The following P4HA3 variants were observed in gnomAD, a reference collection of about 807,000 sequenced individuals.
P4HA3 encodes the protein prolyl 4-hydroxylase subunit alpha 3.
A neutral mutation model predicts 66.7 loss-of-function variants in P4HA3; 60 were observed. The ratio of observed to expected loss-of-function variants is 0.90; its 90% confidence interval spans 0.73 to 1.12. P4HA3 has a LOEUF of 1.12. P4HA3 is among the 50% of genes most tolerant of loss of function. The pLI, the probability that P4HA3 is intolerant of heterozygous loss-of-function variation, is 0.00. For missense variants in P4HA3, 683 were observed against 685.8 expected (o/e 1.00, Z 0.05); for synonymous variants, 263 against 274.6 (o/e 0.96, Z 0.42).
At chr11:74,304,782 T>C (rs536844191) in intron 1 of P4HA3, among the ~76,000 whole-genome samples, 2 of 152,242 alleles carry the variant, frequency 1.3e-5, no homozygotes, top group South Asian at 2.1e-4. Context: ...AAAAACACTA[T>C]TGAATTAATT....
At chr11:74,269,966 A>G (rs1021277428) in intron 10 of P4HA3, among the ~76,000 whole-genome samples, 1 of 152,176 alleles carries the variant, frequency 6.6e-6, no homozygotes, top group Non-Finnish European at 1.5e-5. Context: ...TCCAGCTAAC[A>G]TCCTTATTGA....
At chr11:74,262,683 C>A (rs1363911785), downstream of P4HA3, among the ~76,000 whole-genome samples, 1 of 152,144 alleles carries the variant, frequency 6.6e-6, no homozygotes, top group African/African-American at 2.4e-5. Flanking sequence ...TGTTTCCTCC[C>A]CCTAGCCCTT....
At chr11:74,256,136 T>C (rs1247257691) in intron 15 of P4HA3, among the ~76,000 whole-genome samples, 1 of 152,208 alleles carries the variant, frequency 6.6e-6, no homozygotes, top group Non-Finnish European at 1.5e-5. Flanking sequence ...AGGTCCAAAT[T>C]CTACAGCTTG....
chr11:74,253,372 G>A, intron 15 of P4HA3: 2 of 988,194 alleles, frequency 2.0e-6, no homozygotes, highest in South Asian at 1.5e-5. Flanking sequence ...GCTGTGAAAT[G>A]GGTCAGATTT....
intron 12 of P4HA3, 78 bp downstream of exon 12, chr11:74,268,067 G>A: frequency 1.6e-6 from 2 of 1,231,510 alleles, no homozygotes; most frequent in Non-Finnish European, 2.4e-6. Flanking sequence ...GATGGCTGTG[G>A]TAGGTCCCAC....
At chr11:74,300,392 A>G (rs1343065509) in intron 3 of P4HA3, among the ~76,000 whole-genome samples, 1 of 152,202 alleles carries the variant, frequency 6.6e-6, no homozygotes, top group Non-Finnish European at 1.5e-5. Flanking sequence ...GCACTTTGGG[A>G]GGCTGAGGCA....
intron 5 of P4HA3, among the ~76,000 whole-genome samples, chr11:74,288,491 A>G (rs1019629347): frequency 1.3e-5 from 2 of 152,200 alleles, no homozygotes; most frequent in African/African-American, 4.8e-5. Context: ...ACTTTTTCCC[A>G]TTGAAGCAAC....
chr11:74,282,888 A>T (rs755626502), intron 7 of P4HA3, among the ~76,000 whole-genome samples: 2 of 150,922 alleles, frequency 1.3e-5, no homozygotes, highest in Non-Finnish European at 3.0e-5. Flanking sequence ...GGCTCCAAAA[A>T]GTGCTCTGAA....
chr11:74,265,104 A>G (rs750637878), downstream of P4HA3, among the ~76,000 whole-genome samples: 1 of 152,210 alleles, frequency 6.6e-6, no homozygotes, highest in African/African-American at 2.4e-5. Flanking sequence ...TTAATGCATG[A>G]AGCTCTTAGA....
At chr11:74,272,183 C>T (rs951921778) in intron 10 of P4HA3, among the ~76,000 whole-genome samples, 143 of 150,978 alleles carry the variant, frequency 9.5e-4, no homozygotes, top group African/African-American at 3.3e-3. Context: ...TGCATGCACA[C>T]ACATGTGAAA....
intron 15 of P4HA3, chr11:74,253,509 A>G: frequency 2.5e-6 from 4 of 1,608,450 alleles, no homozygotes; most frequent in Non-Finnish European, 3.4e-6. Flanking sequence ...CCTGGCTGTT[A>G]GTGACCTGCT....
At position 74,285,985 on chromosome 11, in the gene P4HA3, G is replaced by C. The variant is rs201421233; in HGVS notation, c.934C>G (p.Pro312Ala). ...EGLCQTLGSQ[P>A]TLYQIPSLYC... is the part of the protein sequence containing the mutation. ...AGGCTAGGGATCTGGTAGAGAGTGG[G>C]CTGGAAGGAAAGAATAGGATGAGCA... Residue 312 changes from proline (P) to alanine (A), a missense_variant and splice_region_variant, in exon 7 of 13, where the codon CCC becomes GCC. Pro to Ala is a conservative substitution (Grantham distance 27). Transcript: ENST00000331597. 1.7e-4 allele frequency: 269 copies of C among 1,603,948 alleles called. No individual in the cohort carries two copies. The highest frequency in any genetic ancestry group is 4.5e-4 in the Admixed American group (27 of 59,970).
At chr11:74,255,191 A>G (rs1859804617) in intron 15 of P4HA3, among the ~76,000 whole-genome samples, 2 of 152,272 alleles carry the variant, frequency 1.3e-5, no homozygotes, top group East Asian at 1.9e-4. Flanking sequence ...TCCTGGCTCA[A>G]TAAGTGATAG....
rs1860509383 is a variant in P4HA3 at position 74,279,313 on chromosome 11, G to A, written c.1175+75C>T. ...CACCTCTGGAGGTCCCTGAATGGCT[G>A]TTGCTGACTGGCAGTCAGCTATGCT... On this transcript the variant is annotated intron_variant, in intron 8 of 12. Transcript: ENST00000331597. The A allele has an allele frequency of 5.8e-6, 8 of 1,380,430 alleles. No individual in the cohort carries two copies. The South Asian group carries it at 8.1e-5, about 14-fold the overall frequency. 85.5% of individuals were successfully genotyped at this position (1,380,430 alleles called of 1,614,324 possible). A position where few individuals can be genotyped will look rare whatever the true frequency, so the allele number is the denominator to read the frequency against.
At chr11:74,290,639 A>T (rs997816829) in intron 4 of P4HA3, among the ~76,000 whole-genome samples, 1 of 151,964 alleles carries the variant, frequency 6.6e-6, no homozygotes, top group Non-Finnish European at 1.5e-5. Flanking sequence ...TAAGGAAGGG[A>T]TCCAGTTTCA....
chr11:74,307,577 A>C (rs1861614140), intron 1 of P4HA3, among the ~76,000 whole-genome samples: 1 of 152,226 alleles, frequency 6.6e-6, no homozygotes, highest in Admixed American at 6.5e-5. Flanking sequence ...CTTAGAATCC[A>C]AAAGTTGGCC....
At chr11:74,263,959 C>G (rs1859950442), downstream of P4HA3, among the ~76,000 whole-genome samples, 1 of 152,106 alleles carries the variant, frequency 6.6e-6, no homozygotes. Flanking sequence ...AATCAATGCC[C>G]CAAGCCACAG....
chr11:74,253,092 C>G (rs1279926949), intron 15 of P4HA3, among the ~76,000 whole-genome samples: 1 of 152,162 alleles, frequency 6.6e-6, no homozygotes, highest in Non-Finnish European at 1.5e-5. Flanking sequence ...CGTTAGAGAA[C>G]TCTGAATTCC....
chr11:74,284,437 T>C (rs75956252), intron 7 of P4HA3, among the ~76,000 whole-genome samples: 4,853 of 152,286 alleles, frequency 0.032, 266 homozygotes, highest in African/African-American at 0.11. Context: ...AGACTGGCAA[T>C]GTCCCATACA....
Sources: gnomAD v4.1 joint callset for allele counts (sites outside exome capture counted in the v4.1 genomes callset) on GRCh38, gnomAD v4.1.1 for gene constraint, MANE v1.5 for transcripts, NCBI Gene and HGNC (gene_info 2026-07-23, HGNC 2026-07-21) for gene names.